Variants in RPS6KC1 observed in about 807,000 individuals in gnomAD.
The protein encoded by RPS6KC1 is ribosomal protein S6 kinase C1.
In RPS6KC1, 54 loss-of-function variants were observed where a neutral mutation model predicts 103.8. The ratio of observed to expected loss-of-function variants is 0.52; its 90% CI spans 0.42 to 0.65. The LOEUF (loss-of-function observed/expected upper bound fraction) is 0.65. Among genes scored for constraint, RPS6KC1 ranks in the 30% least tolerant of loss-of-function variants. The pLI is 0.00. For missense variants in RPS6KC1, 1,151 were observed against 1,253.8 expected (o/e 0.92, Z 1.24); for synonymous variants, 439 against 438.7 (o/e 1.00, Z -0.01).
chr1:213,807,679 G>A, the RPS6KC1 span, among the ~76,000 whole-genome samples: 18 of 150,612 alleles, frequency 1.2e-4, 1 homozygote, highest in African/African-American at 2.7e-4. Context: ...TTATACATTC[G>A]TCTAAATTTT....
chr1:213,774,939 G>A, the RPS6KC1 span, among the ~76,000 whole-genome samples: 1 of 152,234 alleles, frequency 6.6e-6, no homozygotes, highest in Admixed American at 6.5e-5. Flanking sequence ...TGGGGATTAA[G>A]ATGGCAAACA....
At chr1:213,490,843 A>G in the RPS6KC1 span, among the ~76,000 whole-genome samples, 1 of 152,170 alleles carries the variant, frequency 6.6e-6, no homozygotes, top group Non-Finnish European at 1.5e-5. Context: ...AGAGAGGGGA[A>G]GTTCGCAGAA....
At chr1:213,202,385 T>G (rs1573235965) in intron 8 of RPS6KC1, among the ~76,000 whole-genome samples, 1 of 67,982 alleles carries the variant, frequency 1.5e-5, no homozygotes. Flanking sequence ...CTGAGGCAGG[T>G]GGATCACTTT....
chr1:213,729,960 T>G, the RPS6KC1 span, among the ~76,000 whole-genome samples: 2 of 152,274 alleles, frequency 1.3e-5, no homozygotes, highest in African/African-American at 4.8e-5. Flanking sequence ...GTGTCTGTTG[T>G]TCCCCTGTAT....
chr1:213,548,417 C>T, the RPS6KC1 span, among the ~76,000 whole-genome samples: 1 of 152,170 alleles, frequency 6.6e-6, no homozygotes, highest in Admixed American at 6.5e-5. Flanking sequence ...AATCCCAGCA[C>T]TTTGGGAGGC....
the RPS6KC1 span, among the ~76,000 whole-genome samples, chr1:213,522,095 A>G: frequency 6.6e-6 from 1 of 152,262 alleles, no homozygotes; most frequent in Non-Finnish European, 1.5e-5. Flanking sequence ...TTTCTCAAAT[A>G]ATAAGACTTG....
the RPS6KC1 span, among the ~76,000 whole-genome samples, chr1:213,761,832 A>G: frequency 6.6e-6 from 1 of 152,194 alleles, no homozygotes; most frequent in African/African-American, 2.4e-5. Context: ...GGTGTCTCAG[A>G]GCTGCTCAGT....
At chr1:213,630,157 T>G in the RPS6KC1 span, among the ~76,000 whole-genome samples, 1 of 152,244 alleles carries the variant, frequency 6.6e-6, no homozygotes, top group Non-Finnish European at 1.5e-5. Flanking sequence ...GAAGTTCTCG[T>G]GGATAATATC....
chr1:213,175,613 A>T (rs1422260879), intron 7 of RPS6KC1, among the ~76,000 whole-genome samples: 2 of 152,214 alleles, frequency 1.3e-5, no homozygotes, highest in Non-Finnish European at 2.9e-5. Context: ...AAAAACTAAA[A>T]CTAATAAATG....
chr1:213,353,978 T>C, the RPS6KC1 span, among the ~76,000 whole-genome samples: 1 of 152,172 alleles, frequency 6.6e-6, no homozygotes, highest in South Asian at 2.1e-4. Context: ...CTGCTCAGAG[T>C]CCCTCACAGT....
chr1:213,077,779 A>G lies in RPS6KC1; in HGVS notation c.225A>G (p.Ser75=), dbSNP rs376028316. 4.5e-6 allele frequency: 7 copies of G among 1,566,674 alleles called. No individual in the cohort carries two copies. Among genetic ancestry groups the G allele is most frequent in the East Asian group, 2.3e-5 (1 of 43,436 alleles). The change falls in exon 3 of 15, where the codon TCA becomes TCG. Residue 75 remains serine, a synonymous_variant. Transcript: ENST00000366960. ...TTCACAAAAACTTATTCCGACATTC[A>G]GAGTTGTTTCCTCCATTTGCTAAAG... ...WQIHKNLFRH[S]ELFPPFAKGI...
chr1:213,501,682 C>T, the RPS6KC1 span, among the ~76,000 whole-genome samples: 17 of 147,212 alleles, frequency 1.2e-4, no homozygotes, highest in South Asian at 2.1e-4. Context: ...CTGCAGTGAG[C>T]GAAGATTGCA....
intron 2 of RPS6KC1, among the ~76,000 whole-genome samples, chr1:213,074,946 G>A (rs925704673): frequency 3.7e-5 from 5 of 133,682 alleles, no homozygotes; most frequent in Non-Finnish European, 7.7e-5. Flanking sequence ...TCCGCCTCCC[G>A]GGTTCATGCC....
intron 8 of RPS6KC1, among the ~76,000 whole-genome samples, chr1:213,214,064 G>T (rs189169308): frequency 6.6e-6 from 1 of 152,030 alleles, no homozygotes; most frequent in Non-Finnish European, 1.5e-5. Flanking sequence ...AGCATGAGCC[G>T]AAGCAGGGCG....
At chr1:213,306,655 C>T in the RPS6KC1 span, among the ~76,000 whole-genome samples, 2 of 152,186 alleles carry the variant, frequency 1.3e-5, no homozygotes, top group Non-Finnish European at 2.9e-5. Context: ...AAGTAGGTTT[C>T]GATTTACATG....
At chr1:213,639,891 A>G in the RPS6KC1 span, among the ~76,000 whole-genome samples, 1 of 149,544 alleles carries the variant, frequency 6.7e-6, no homozygotes, top group African/African-American at 2.5e-5. Flanking sequence ...GTGGTTTGGT[A>G]TTAGTATAAT....
At chr1:213,684,852 G>C in the RPS6KC1 span, among the ~76,000 whole-genome samples, 1 of 152,224 alleles carries the variant, frequency 6.6e-6, no homozygotes, top group African/African-American at 2.4e-5. Context: ...GCCTTTCTGC[G>C]AATGAAGTTG....
At chr1:213,696,513 A>G in the RPS6KC1 span, among the ~76,000 whole-genome samples, 5 of 33,698 alleles carry the variant, frequency 1.5e-4, no homozygotes, top group South Asian at 1.9e-3. Flanking sequence ...AAAAAAAAAA[A>G]AAAAAAAAAA....
the RPS6KC1 span, among the ~76,000 whole-genome samples, chr1:213,652,786 G>C: frequency 6.6e-6 from 1 of 152,150 alleles, no homozygotes; most frequent in Non-Finnish European, 1.5e-5. Context: ...AGACCCTGCA[G>C]CCCAACCCAC....
Sources: allele counts gnomAD v4.1 joint callset (sites outside exome capture counted in the v4.1 genomes callset), GRCh38; gene constraint gnomAD v4.1.1; transcripts MANE v1.5; gene names NCBI Gene and HGNC (gene_info 2026-07-23, HGNC 2026-07-21).